The following UGGT2 variants were observed in gnomAD, a reference collection of about 807,000 sequenced individuals.
The protein encoded by UGGT2 is UDP-glucose glycoprotein glucosyltransferase 2.
Under a neutral mutation model 192.1 loss-of-function variants are expected in UGGT2, and 180 were observed. The observed-to-expected ratio is 0.94, with a 90% CI of 0.83 to 1.06. The LOEUF is 1.06. Ranked by LOEUF, UGGT2 falls within the 50% of genes least tolerant of loss-of-function variation. The pLI is 0.00. For missense variants in UGGT2, 1,849 were observed against 1,795.7 expected (o/e 1.03, Z -0.54); for synonymous variants, 580 against 591.0 (o/e 0.98, Z 0.27).
Position 95,990,007 on chromosome 13 carries a change from T to C in UGGT2, c.897A>G (p.Lys299=). ...CCCAGACTTTCAAAGGCATCATTTG[T>C]TTGTTACTCTCAATCAGGTATTTTT... The part of the protein sequence containing the change: ...AFQKYLIESN[K]QMMPLKVWEL... The change falls in exon 8 of 39, where the codon AAA becomes AAG. Residue 299 remains lysine, a synonymous_variant. Coordinates refer to ENST00000376747, the MANE Select transcript of UGGT2 (RefSeq NM_020121.4). 1.9e-6 allele frequency: 3 copies of C among 1,607,566 alleles called. No individual in the cohort carries two copies. Among genetic ancestry groups the C allele is most frequent in the Non-Finnish European group, 2.5e-6 (3 of 1,176,598 alleles).
chr13:95,972,650 T>C lies in UGGT2; in HGVS notation c.1114A>G (p.Ile372Val). 6.2e-7 allele frequency: 1 copy of C among 1,613,764 alleles called. No homozygotes were observed. The highest frequency in any genetic ancestry group is 1.1e-5 in the South Asian group (1 of 91,062). The change falls in exon 11 of 39, where the codon ATT becomes GTT. Residue 372 changes from isoleucine (I) to valine (V), a missense_variant. Physicochemically the swap from Ile to Val is conservative, Grantham distance 29 (BLOSUM62 3). Transcript: ENST00000376747. ...NQKDLQVRFKIQPGDARLFIN... is the reference protein window; with the variant it reads ...NQKDLQVRFKVQPGDARLFIN... ...AATAGACGAGCATCGCCTGGCTGAA[T>C]TTTAAATCTAACTTGAAGATCCTTG...
rs1023880519 is a variant in UGGT2, at chr13:95,955,077, G to T, written c.1336-5623C>A. Among the ~76,000 whole-genome samples the T allele has an allele frequency of 5.9e-5, 9 of 152,102 alleles. No homozygotes were observed. The South Asian group carries it at 1.9e-3, about 32-fold the overall frequency. On this transcript the variant is annotated intron_variant, in intron 12 of 38. Coordinates refer to ENST00000376747, the MANE Select transcript of UGGT2 (RefSeq NM_020121.4). Reference sequence around the variant, plus strand: ...TTACTTAAGAAATGTGAACTACTTTGGTTTGTTTACTCAGTGTAGCACTAA... The same window carrying T: ...TTACTTAAGAAATGTGAACTACTTTTGTTTGTTTACTCAGTGTAGCACTAA...
intron 1 of UGGT2, among the ~76,000 whole-genome samples, chr13:96,033,525 C>G (rs2052904326): frequency 6.6e-6 from 1 of 152,150 alleles, no homozygotes; most frequent in Non-Finnish European, 1.5e-5. Context: ...TCCCTGGGTG[C>G]AGCTGCAACC....
chr13:95,952,944 T>C (rs1165560431), intron 12 of UGGT2, among the ~76,000 whole-genome samples: 3 of 152,210 alleles, frequency 2.0e-5, no homozygotes, highest in South Asian at 4.1e-4. Flanking sequence ...ATGTCTTTTA[T>C]GGAGTGACTC....
chr13:95,825,837 TGTC>T (rs1885982880), intron 38 of UGGT2, among the ~76,000 whole-genome samples: 1 of 152,102 alleles, frequency 6.6e-6, no homozygotes, highest in Non-Finnish European at 1.5e-5. Flanking sequence ...CAAGGCCTGT[TGTC>T]TGAATTCTTT....
chr13:95,968,380 A>C (rs898542586), intron 12 of UGGT2, among the ~76,000 whole-genome samples: 1 of 152,332 alleles, frequency 6.6e-6, no homozygotes. Context: ...TAGTTCTGAC[A>C]TATAATGTAT....
chr13:95,938,134 G>A (rs1306831198), intron 16 of UGGT2, among the ~76,000 whole-genome samples: 1 of 152,166 alleles, frequency 6.6e-6, no homozygotes, highest in African/African-American at 2.4e-5. Context: ...CAGCCACGTG[G>A]AACTGTAAGT....
At chr13:95,845,016 T>C (rs1246698313) in intron 36 of UGGT2, among the ~76,000 whole-genome samples, 1 of 152,172 alleles carries the variant, frequency 6.6e-6, no homozygotes, top group Admixed American at 6.5e-5. Context: ...CTGGAGTATA[T>C]CAAATGCTCT....
intron 12 of UGGT2, among the ~76,000 whole-genome samples, chr13:95,960,950 A>G (rs993414616): frequency 2.6e-5 from 4 of 152,188 alleles, no homozygotes; most frequent in African/African-American, 9.6e-5. Context: ...TCCTTCATAA[A>G]TGAAGGAAAA....
At chr13:96,026,033 A>G (rs1050065231) in intron 2 of UGGT2, among the ~76,000 whole-genome samples, 1 of 152,156 alleles carries the variant, frequency 6.6e-6, no homozygotes, top group Non-Finnish European at 1.5e-5. Context: ...TAAGGCAGAA[A>G]ATCAAGGGAA....
At chr13:95,917,643 T>C (rs1270524958) in intron 20 of UGGT2, among the ~76,000 whole-genome samples, 2 of 152,076 alleles carry the variant, frequency 1.3e-5, no homozygotes, top group African/African-American at 2.4e-5. Context: ...TGGAGACCCA[T>C]CAACACGCTG....
Position 95,845,927 on chromosome 13 carries a change from C to A in UGGT2, c.4284+7616G>T, listed in dbSNP as rs572172885. On this transcript the variant is annotated intron_variant, in intron 36 of 38. Coordinates refer to ENST00000376747, the MANE Select transcript of UGGT2 (RefSeq NM_020121.4). The stretch of plus-strand genomic sequence containing the variant: ...GGGATGAGGGCCGGGGAGAGGGACT[C>A]CTCACTTCCCAGACTGGGCAGCCGG... Among the ~76,000 whole-genome samples the A allele has an allele frequency of 4.6e-5, 7 of 151,276 alleles. No individual in the cohort carries two copies. In the East Asian group the frequency reaches 1.4e-3, roughly 30 times the overall value.
chr13:95,959,518 G>C (rs1283659408), intron 12 of UGGT2, among the ~76,000 whole-genome samples: 2 of 152,110 alleles, frequency 1.3e-5, no homozygotes, highest in East Asian at 1.9e-4. Flanking sequence ...ACCTAAGCAT[G>C]CTGTCCAGGG....
chr13:96,029,693 A>C (rs1328996445), intron 2 of UGGT2, among the ~76,000 whole-genome samples: 1 of 152,190 alleles, frequency 6.6e-6, no homozygotes, highest in Non-Finnish European at 1.5e-5. Flanking sequence ...CTTATATTCC[A>C]GCTTGTGAAT....
chr13:95,917,997 A>G (rs1363220221), intron 20 of UGGT2, among the ~76,000 whole-genome samples: 1 of 152,214 alleles, frequency 6.6e-6, no homozygotes, highest in Non-Finnish European at 1.5e-5. Flanking sequence ...AAAATTAACA[A>G]AAATATTCAC....
At chr13:95,845,057 T>C (rs183556156) in intron 36 of UGGT2, among the ~76,000 whole-genome samples, 1 of 152,330 alleles carries the variant, frequency 6.6e-6, no homozygotes, top group Non-Finnish European at 1.5e-5. Flanking sequence ...CATGTATATA[T>C]ATGGATATGT....
At chr13:95,979,002 T>C (rs2051030209) in intron 10 of UGGT2, among the ~76,000 whole-genome samples, 2 of 152,212 alleles carry the variant, frequency 1.3e-5, no homozygotes, top group Admixed American at 6.5e-5. Flanking sequence ...AATTCAAGTA[T>C]CTGCATTTGG....
chr13:95,906,221 G>T (rs1477517505), intron 20 of UGGT2, among the ~76,000 whole-genome samples: 69 of 151,988 alleles, frequency 4.5e-4, no homozygotes, highest in Non-Finnish European at 4.1e-4. Flanking sequence ...TCATACTATT[G>T]TAAACGGTAT....
chr13:95,902,791 A>G (rs936450125), intron 21 of UGGT2, 63 bp downstream of exon 21: 1 of 1,473,048 alleles, frequency 6.8e-7, no homozygotes, highest in Admixed American at 1.9e-5. Flanking sequence ...AATATCTCCA[A>G]ATACACTCAC....
Sources: gnomAD v4.1 joint callset for allele counts (sites outside exome capture counted in the v4.1 genomes callset) on GRCh38, gnomAD v4.1.1 for gene constraint, MANE v1.5 for transcripts, NCBI Gene and HGNC (gene_info 2026-07-23, HGNC 2026-07-21) for gene names.